Variants in PCGF6 observed in about 807,000 individuals in gnomAD.
The protein encoded by PCGF6 is polycomb group RING finger protein 6.
PCGF6 carries 24 observed loss-of-function variants against 45.5 expected under a neutral mutation model. The observed-to-expected ratio is 0.53, with a 90% CI of 0.38 to 0.74. The LOEUF (loss-of-function observed/expected upper bound fraction) is 0.74, where lower values mean the gene tolerates loss of function less well. PCGF6 is among the 30% of genes least tolerant of loss of function. The pLI, the probability that PCGF6 is intolerant of heterozygous loss-of-function variation, is 0.00. For missense variants in PCGF6, 356 were observed against 443.2 expected (o/e 0.80, Z 1.77); for synonymous variants, 152 against 162.1 (o/e 0.94, Z 0.47).
At chr10:103,309,070 G>C (rs185127642) in intron 9 of PCGF6, among the ~76,000 whole-genome samples, 7 of 152,128 alleles carry the variant, frequency 4.6e-5, no homozygotes, top group Admixed American at 1.3e-4. Context: ...CTCATAGGCA[G>C]AAGGGACTAG....
chr10:103,345,224 G>T (rs2093295057), intron 5 of PCGF6, 92 bp from the exon 6 acceptor site: 1 of 897,304 alleles, frequency 1.1e-6, no homozygotes. Context: ...TAATTATGTT[G>T]AGTATTTAAA....
chr10:103,315,022 T>C (rs1235769419), intron 8 of PCGF6, among the ~76,000 whole-genome samples: 2 of 148,450 alleles, frequency 1.3e-5, no homozygotes, highest in Non-Finnish European at 3.0e-5. Flanking sequence ...CAATCATCCA[T>C]TATTTGAAAA....
chr10:103,310,561 T>G (rs1377450341), intron 9 of PCGF6, among the ~76,000 whole-genome samples: 1 of 152,146 alleles, frequency 6.6e-6, no homozygotes, highest in Non-Finnish European at 1.5e-5. Flanking sequence ...ATAATTTGCA[T>G]TAAGAAAATA....
At chr10:103,306,050 C>A (rs1432220476) in intron 9 of PCGF6, among the ~76,000 whole-genome samples, 2 of 151,876 alleles carry the variant, frequency 1.3e-5, no homozygotes, top group African/African-American at 2.4e-5. Flanking sequence ...TTTCTTGATA[C>A]CAGATCTTAA....
intron 7 of PCGF6, among the ~76,000 whole-genome samples, chr10:103,329,388 G>A (rs951751052): frequency 6.6e-6 from 1 of 151,846 alleles, no homozygotes. Flanking sequence ...TTATAGGGCT[G>A]TCATTACTAA....
intron 1 of PCGF6, among the ~76,000 whole-genome samples, 178 bp downstream of exon 1, chr10:103,350,529 G>A (rs775839692): frequency 6.6e-6 from 1 of 152,176 alleles, no homozygotes; most frequent in Non-Finnish European, 1.5e-5. Flanking sequence ...CCCAGGCCGG[G>A]CCGGAGGCCT....
rs2093125500 is a variant in PCGF6, at chr10:103,303,228, TCA to T, written c.*675_*676del. On this transcript the variant is annotated 3_prime_UTR_variant, in exon 10 of 10. Coordinates refer to ENST00000369847, the MANE Select transcript of PCGF6 (RefSeq NM_001011663.2). ...ATGAATGTCAGAAATAAAAATACTG[TCA>T]CAAAGAAGCACCCCTTATTGGAAGA... The T allele has an allele frequency of 6.6e-6, 1 of 152,556 alleles. No individual in the cohort carries two copies. The highest frequency in any genetic ancestry group is 2.1e-4 in the South Asian group (1 of 4,830). The allele number at this position is 152,556 out of a possible 1,614,324, so 9.5% of individuals were successfully genotyped here. A position where few individuals can be genotyped will look rare whatever the true frequency, so the allele number is the denominator to read the frequency against.
chr10:103,324,754 C>T (rs1441022384), intron 8 of PCGF6, among the ~76,000 whole-genome samples: 4 of 105,492 alleles, frequency 3.8e-5, no homozygotes, highest in Non-Finnish European at 7.8e-5. Context: ...AGTGAGACTC[C>T]GCCTCAAAAA....
chr10:103,344,602 G>A (rs1287796053), intron 6 of PCGF6, among the ~76,000 whole-genome samples: 4 of 148,122 alleles, frequency 2.7e-5, no homozygotes, highest in Admixed American at 2.0e-4. Flanking sequence ...TGCTCTTGTC[G>A]CCTAGGCTGG....
intron 8 of PCGF6, among the ~76,000 whole-genome samples, chr10:103,325,049 C>A (rs1031649978): frequency 6.6e-6 from 1 of 151,224 alleles, no homozygotes; most frequent in Non-Finnish European, 1.5e-5. Flanking sequence ...GCAGGAGAAT[C>A]GCCTGAACCC....
chr10:103,323,115 A>G (rs1271668210), intron 8 of PCGF6, among the ~76,000 whole-genome samples: 2 of 152,152 alleles, frequency 1.3e-5, no homozygotes, highest in South Asian at 2.1e-4. Context: ...GTCTCTAACA[A>G]AAACCTAAGA....
chr10:103,315,600 C>A (rs1397002815), intron 8 of PCGF6, among the ~76,000 whole-genome samples: 3 of 152,094 alleles, frequency 2.0e-5, no homozygotes, highest in African/African-American at 7.2e-5. Flanking sequence ...ACCTGATGAT[C>A]CGCCCACCTC....
intron 6 of PCGF6, 23 bp downstream of exon 6, chr10:103,345,001 A>C: frequency 3.4e-6 from 5 of 1,466,128 alleles, no homozygotes; most frequent in Non-Finnish European, 4.7e-6. Flanking sequence ...TTAAGTTAAA[A>C]GGTAAATTTT....
At chr10:103,347,562 G>A (rs1324398198) in intron 3 of PCGF6, 112 bp from the exon 4 acceptor site, 1 of 817,522 alleles carries the variant, frequency 1.2e-6, no homozygotes, top group Non-Finnish European at 2.0e-6. Context: ...TCTCAGAGGT[G>A]AGTTACTTTT....
At chr10:103,323,870 CCACTA>C (rs2093206710) in intron 8 of PCGF6, among the ~76,000 whole-genome samples, 1 of 151,926 alleles carries the variant, frequency 6.6e-6, no homozygotes, top group East Asian at 1.9e-4. Flanking sequence ...CAGGCATGAG[CCACTA>C]CACATGGCCA....
intron 6 of PCGF6, 28 bp downstream of exon 6, chr10:103,344,996 T>C: frequency 6.8e-7 from 1 of 1,460,168 alleles, no homozygotes; most frequent in Non-Finnish European, 9.4e-7. Flanking sequence ...ATTCTTTAAG[T>C]TAAAAGGTAA....
intron 9 of PCGF6, among the ~76,000 whole-genome samples, chr10:103,313,308 T>C (rs2093163905): frequency 6.6e-6 from 1 of 152,222 alleles, no homozygotes; most frequent in South Asian, 2.1e-4. Flanking sequence ...CTCACCCCTG[T>C]AATCCCAGCC....
At chr10:103,350,174 A>T (rs1172949118) in intron 1 of PCGF6, among the ~76,000 whole-genome samples, 1 of 151,986 alleles carries the variant, frequency 6.6e-6, no homozygotes, top group Non-Finnish European at 1.5e-5. Context: ...AACGTGGCTC[A>T]CGCATGTAAT....
In PCGF6 at chr10:103,350,895, C is replaced by A. The variant is rs1592082103; in HGVS notation, c.172G>T (p.Gly58Cys). 2 of 1,527,224 alleles carry A rather than the reference C, an allele frequency of 1.3e-6. No individual in the cohort carries two copies. The highest frequency in any genetic ancestry group is 5.1e-5 in the East Asian group (2 of 39,458). The allele number at this position is 1,527,224 out of a possible 1,614,324, so 94.6% of individuals were successfully genotyped here. ...GGCTCCAGCTCAGGGGGCCGGGAGC[C>A]GGAGCAGCCGGGAGCCCCCGTCTCA... The part of the protein sequence containing the change: ...LSETGAPGCS[G>C]SRPPELEPER... The change falls in exon 1 of 10, where the codon GGC becomes TGC. Residue 58 changes from glycine to cysteine, a missense_variant. Gly to Cys is a radical substitution (Grantham distance 159). Transcript: ENST00000369847.
Sources: allele counts gnomAD v4.1 joint callset (sites outside exome capture counted in the v4.1 genomes callset), GRCh38; gene constraint gnomAD v4.1.1; transcripts MANE v1.5; gene names NCBI Gene and HGNC (gene_info 2026-07-23, HGNC 2026-07-21).